SLC24A5: variants seen among roughly 807,000 people sequenced by gnomAD.
The protein encoded by SLC24A5 is sodium/potassium/calcium exchanger 5.
In SLC24A5, 46 loss-of-function variants were observed where a neutral mutation model predicts 51.6. That is an observed-to-expected ratio of 0.89 (90% confidence interval 0.70 to 1.14). The LOEUF is 1.14. Among genes scored for constraint, SLC24A5 ranks in the 50% most tolerant of loss-of-function variants. SLC24A5 has a pLI of 0.00. For missense variants in SLC24A5, 581 were observed against 604.1 expected (o/e 0.96, Z 0.40); for synonymous variants, 230 against 214.9 (o/e 1.07, Z -0.62).
At chr15:48,129,046 G>A (rs368645336) in intron 2 of SLC24A5, among the ~76,000 whole-genome samples, 1 of 152,140 alleles carries the variant, frequency 6.6e-6, no homozygotes. Flanking sequence ...TATAAAAGAG[G>A]TACACTTCAT....
intron 2 of SLC24A5, among the ~76,000 whole-genome samples, chr15:48,130,288 A>G (rs2038776343): frequency 6.6e-6 from 1 of 152,124 alleles, no homozygotes; most frequent in African/African-American, 2.4e-5. Context: ...TTTCACCCAA[A>G]AGGTCGAAGA....
chr15:48,127,675 A>C (rs2038745846), intron 2 of SLC24A5, among the ~76,000 whole-genome samples: 1 of 152,046 alleles, frequency 6.6e-6, no homozygotes, highest in Non-Finnish European at 1.5e-5. Context: ...AATATTAGCC[A>C]GTCGTGGTGG....
At chr15:48,127,384 A>G (rs1466875434) in intron 2 of SLC24A5, among the ~76,000 whole-genome samples, 1 of 152,264 alleles carries the variant, frequency 6.6e-6, no homozygotes, top group East Asian at 1.9e-4. Flanking sequence ...TCTACGGTGC[A>G]TCTGCTAGAA....
intron 2 of SLC24A5, among the ~76,000 whole-genome samples, chr15:48,127,655 C>T (rs2038745716): frequency 6.6e-6 from 1 of 151,928 alleles, no homozygotes; most frequent in Non-Finnish European, 1.5e-5. Context: ...CCCATTTCTA[C>T]AAAAATACAA....
chr15:48,121,745 T>C, intron 1 of SLC24A5, 112 bp from the exon 2 acceptor site: 1 of 1,168,926 alleles, frequency 8.6e-7, no homozygotes, highest in Non-Finnish European at 1.2e-6. Context: ...CAGTGGGTCC[T>C]TAAAATTCCA....
In SLC24A5 at chr15:48,121,100, T is replaced by C; in HGVS notation, c.56T>C (p.Leu19Pro). Residue 19 changes from leucine (L) to proline (P), a missense_variant, in exon 1 of 9, where the codon CTG becomes CCG. Transcript: ENST00000341459. ...WARRALLLGI[L>P]WATAHLPLSG... ...AGAAGGGCTCTGTTGCTCGGCATCC[T>C]GTGGGCCACTGCACATCTGCCTCTC... 3.7e-6 allele frequency: 6 copies of C among 1,613,926 alleles called. No homozygotes were observed. Among genetic ancestry groups the C allele is most frequent in the East Asian group, 2.2e-5 (1 of 44,834 alleles).
intron 7 of SLC24A5, chr15:48,139,406 C>A: frequency 2.8e-6 from 1 of 352,540 alleles, no homozygotes; most frequent in Non-Finnish European, 5.2e-6. Context: ...GGGTACAATT[C>A]AAGAGATCTT....
At chr15:48,130,365 A>G (rs2038776955) in intron 2 of SLC24A5, among the ~76,000 whole-genome samples, 1 of 152,198 alleles carries the variant, frequency 6.6e-6, no homozygotes, top group African/African-American at 2.4e-5. Flanking sequence ...TTAGAACATT[A>G]AGATATAATT....
At position 48,134,425 on chromosome 15, in the gene SLC24A5, T is replaced by C; in HGVS notation, c.386-10T>C. 2 of 1,611,332 alleles carry C rather than the reference T, an allele frequency of 1.2e-6. No homozygotes were observed. Among genetic ancestry groups the C allele is most frequent in the Middle Eastern group, 3.3e-4 (2 of 6,052 alleles). On this transcript the variant is annotated splice_polypyrimidine_tract_variant and intron_variant, in intron 3 of 8. Transcript: ENST00000341459. ...TAACACTAACTTAGCTGGTACTATC[T>C]TGCACATAGGTGTATTTATCACAAA...
At position 48,121,931 on chromosome 15, in the gene SLC24A5, G is replaced by A; in HGVS notation, c.196G>A (p.Asp66Asn). 1 of 1,614,180 alleles carries A rather than the reference G, an allele frequency of 6.2e-7. No individual in the cohort carries two copies. Among genetic ancestry groups the A allele is most frequent in the Non-Finnish European group, 8.5e-7 (1 of 1,180,016 alleles). The part of the protein sequence containing the change: ...EGFFTRQERR[D>N]GGIIIYFLII... ...GTTTTTCACGAGACAGGAGCGCAGA[G>A]ATGGAGGCATCATAATCTATTTCCT... The change falls in exon 2 of 9, where the codon GAT becomes AAT. Residue 66 changes from aspartate (D) to asparagine (N), a missense_variant. Transcript: ENST00000341459.
intron 2 of SLC24A5, among the ~76,000 whole-genome samples, chr15:48,125,109 T>A (rs1206222795): frequency 6.6e-5 from 10 of 152,104 alleles, no homozygotes; most frequent in Non-Finnish European, 1.0e-4. Context: ...TTGATGAGCA[T>A]TGAGTCATAA....
chr15:48,135,290 C>A, intron 5 of SLC24A5: 1 of 218,150 alleles, frequency 4.6e-6, no homozygotes, highest in Non-Finnish European at 9.2e-6. Flanking sequence ...CCATTAAAGC[C>A]ACAACAGTTG....
chr15:48,138,591 G>A (rs1269630047), intron 6 of SLC24A5: 2 of 168,778 alleles, frequency 1.2e-5, no homozygotes, highest in East Asian at 3.1e-4. Context: ...ATTATGAAGT[G>A]GAGACAACTG....
At chr15:48,122,984 G>C (rs1389717543) in intron 2 of SLC24A5, 1 of 151,914 alleles carries the variant, frequency 6.6e-6, no homozygotes, top group Non-Finnish European at 1.5e-5. Context: ...TCTTTATAAA[G>C]GGAAAGAGCA....
At chr15:48,138,839 C>A in intron 6 of SLC24A5, 130 bp from the exon 7 acceptor site, 3 of 671,548 alleles carry the variant, frequency 4.5e-6, no homozygotes, top group East Asian at 5.4e-5. Flanking sequence ...TAATGAGGTA[C>A]TCAAATGTTT....
intron 1 of SLC24A5, 55 bp downstream of exon 1, chr15:48,121,220 C>T (rs1597248309): frequency 6.5e-7 from 1 of 1,536,590 alleles, no homozygotes; most frequent in East Asian, 2.3e-5. Flanking sequence ...GCTGCTGCTA[C>T]CACATACAGA....
intron 2 of SLC24A5, chr15:48,123,897 A>T (rs554340335): frequency 7.9e-5 from 12 of 152,168 alleles, no homozygotes; most frequent in Admixed American, 3.3e-4. Context: ...TTATCTTATT[A>T]TCCATGAGGG....
intron 2 of SLC24A5, among the ~76,000 whole-genome samples, chr15:48,130,393 G>A (rs1359595625): frequency 2.0e-5 from 3 of 152,088 alleles, no homozygotes; most frequent in Non-Finnish European, 4.4e-5. Flanking sequence ...ATATCTTTAA[G>A]TTTTATCCAT....
intron 2 of SLC24A5, among the ~76,000 whole-genome samples, chr15:48,130,420 T>G (rs1400387852): frequency 6.6e-6 from 1 of 152,150 alleles, no homozygotes; most frequent in African/African-American, 2.4e-5. Context: ...ATACAAAATC[T>G]TTCCTTTCAT....
Sources: allele counts gnomAD v4.1 joint callset (sites outside exome capture counted in the v4.1 genomes callset), GRCh38; gene constraint gnomAD v4.1.1; transcripts MANE v1.5; gene names NCBI Gene and HGNC (gene_info 2026-07-23, HGNC 2026-07-21).